The following CFAP299 variants were observed in gnomAD, a reference collection of about 807,000 sequenced individuals.
The protein encoded by CFAP299 is cilia and flagella associated protein 299, also known as cilia- and flagella-associated protein 299.
In CFAP299, 21 loss-of-function variants were observed where a neutral mutation model predicts 27.0. That is an observed-to-expected ratio of 0.78 (90% CI 0.55 to 1.12). CFAP299 has a LOEUF of 1.12. Among genes scored for constraint, CFAP299 ranks in the 50% most tolerant of loss-of-function variants. The pLI is 0.00. For synonymous variants in CFAP299, 104 were observed against 98.1 expected (o/e 1.06, Z -0.36); for missense variants, 310 against 276.6 (o/e 1.12, Z -0.86).
intron 3 of CFAP299, among the ~76,000 whole-genome samples, chr4:80,866,594 C>T (rs1423868300): frequency 6.6e-6 from 1 of 152,088 alleles, no homozygotes; most frequent in Non-Finnish European, 1.5e-5. Flanking sequence ...CTTAAGAGCA[C>T]AGAACTAATG....
chr4:80,785,727 A>G (rs1727211992), intron 3 of CFAP299, among the ~76,000 whole-genome samples: 1 of 152,188 alleles, frequency 6.6e-6, no homozygotes, highest in Non-Finnish European at 1.5e-5. Context: ...GTTCTCATCT[A>G]TGAGACATAA....
intron 2 of CFAP299, among the ~76,000 whole-genome samples, chr4:80,516,947 C>T (rs772648738): frequency 2.0e-5 from 3 of 152,126 alleles, no homozygotes; most frequent in East Asian, 1.9e-4. Flanking sequence ...CCTAGGGCAG[C>T]GATCTTTTTA....
At chr4:80,493,994 C>G (rs1731296166) in intron 2 of CFAP299, among the ~76,000 whole-genome samples, 1 of 151,756 alleles carries the variant, frequency 6.6e-6, no homozygotes, top group Admixed American at 6.6e-5. Flanking sequence ...CCAGGATGGT[C>G]TCGATCTCCT....
chr4:80,877,702 C>T (rs1258436529), intron 4 of CFAP299, among the ~76,000 whole-genome samples: 1 of 152,070 alleles, frequency 6.6e-6, no homozygotes, highest in African/African-American at 2.4e-5. Context: ...TTCAGTTTAA[C>T]CGTTTAAAGT....
intron 3 of CFAP299, among the ~76,000 whole-genome samples, chr4:80,627,185 G>T (rs972175777): frequency 6.6e-6 from 1 of 151,840 alleles, no homozygotes; most frequent in Non-Finnish European, 1.5e-5. Context: ...TGCAAGGATG[G>T]TCCTATATAT....
intron 2 of CFAP299, among the ~76,000 whole-genome samples, chr4:80,580,005 C>T (rs7665568): frequency 0.045 from 6,905 of 152,022 alleles, 551 homozygotes; most frequent in African/African-American, 0.16. Flanking sequence ...TTTGTGGAAA[C>T]TCTTAGGAAT....
chr4:80,562,562 C>A (rs6825917), intron 2 of CFAP299, among the ~76,000 whole-genome samples: 2 of 151,328 alleles, frequency 1.3e-5, no homozygotes, highest in Admixed American at 6.6e-5. Context: ...GGAGGCTGAG[C>A]CATGAGAATC....
intron 3 of CFAP299, among the ~76,000 whole-genome samples, chr4:80,844,088 G>A (rs1297243537): frequency 3.9e-5 from 6 of 151,942 alleles, no homozygotes; most frequent in Non-Finnish European, 7.4e-5. Context: ...TGAAGTCATC[G>A]TTTTTTATGG....
chr4:80,470,221 T>C (rs1035767183), intron 2 of CFAP299, among the ~76,000 whole-genome samples: 4 of 152,150 alleles, frequency 2.6e-5, no homozygotes, highest in Non-Finnish European at 5.9e-5. Flanking sequence ...TCACAATGGA[T>C]TGTGAAAATG....
chr4:80,706,844 A>G (rs1721849525), intron 3 of CFAP299, among the ~76,000 whole-genome samples: 1 of 152,040 alleles, frequency 6.6e-6, no homozygotes, highest in Admixed American at 6.6e-5. Flanking sequence ...GCTTTAGTAT[A>G]CATAAGAATT....
chr4:80,390,732 T>C (rs147412557), intron 2 of CFAP299, among the ~76,000 whole-genome samples: 7 of 145,594 alleles, frequency 4.8e-5, no homozygotes, highest in African/African-American at 1.5e-4. Flanking sequence ...TACATGTATA[T>C]ATGTATATAT....
intron 3 of CFAP299, among the ~76,000 whole-genome samples, chr4:80,588,912 G>A (rs1736582121): frequency 6.6e-6 from 1 of 152,080 alleles, no homozygotes; most frequent in Non-Finnish European, 1.5e-5. Flanking sequence ...AGAATTTTGA[G>A]GCACGAAGAG....
chr4:80,357,079 A>C (rs748030046), intron 1 of CFAP299, among the ~76,000 whole-genome samples: 2 of 152,168 alleles, frequency 1.3e-5, no homozygotes, highest in Non-Finnish European at 1.5e-5. Context: ...TCTTTTCTGC[A>C]TACTATTGAA....
At chr4:80,800,683 A>G (rs1306478727) in intron 3 of CFAP299, among the ~76,000 whole-genome samples, 1 of 116,816 alleles carries the variant, frequency 8.6e-6, no homozygotes, top group Non-Finnish European at 1.6e-5. Flanking sequence ...AATATATGAT[A>G]TATTATATAT....
At position 80,807,096 on chromosome 4, in the gene CFAP299, A is replaced by G. The variant is rs551712707; in HGVS notation, c.334-62897A>G. On this transcript the variant is annotated intron_variant, in intron 3 of 5. Coordinates refer to ENST00000358105, the MANE Select transcript of CFAP299 (RefSeq NM_152770.3). ...GCACTGCTTTTCTTGAAATCAAATT[A>G]TCTACCTGAATGAACAGAAATCTGC... Among the ~76,000 whole-genome samples, 14 of 152,254 alleles carry G rather than the reference A, an allele frequency of 9.2e-5. No homozygotes were observed. The South Asian group carries it at 2.9e-3, about 32-fold the overall frequency.
At chr4:80,729,919 A>T (rs1236624666) in intron 3 of CFAP299, among the ~76,000 whole-genome samples, 3 of 151,948 alleles carry the variant, frequency 2.0e-5, no homozygotes, top group Non-Finnish European at 4.4e-5. Context: ...CTATTTTTAA[A>T]TTTAAGTTTA....
chr4:80,803,423 A>G (rs1728710772), intron 3 of CFAP299, among the ~76,000 whole-genome samples: 1 of 152,052 alleles, frequency 6.6e-6, no homozygotes, highest in Non-Finnish European at 1.5e-5. Context: ...ATATTAAGGT[A>G]TTTCAAAATC....
chr4:80,658,050 A>G lies in CFAP299; in HGVS notation c.333+74867A>G, dbSNP rs184579918. ...CTCTGATTGTCTATTATTGGTGTGT[A>G]GCAATGCTTGTGATTTTTGCACATT... On this transcript the variant is annotated intron_variant, in intron 3 of 5. Transcript: ENST00000358105. 8.9e-4 allele frequency among the ~76,000 whole-genome samples: 136 copies of G among 152,282 alleles called. 1 individual carries two copies. The East Asian group carries it at 0.018, about 20-fold the overall frequency.
upstream of CFAP299, chr4:80,335,659 T>G (rs1722094334): frequency 4.1e-6 from 3 of 729,998 alleles, no homozygotes; most frequent in Admixed American, 2.0e-5. Context: ...GGGATTAACG[T>G]CCAAAGCTCA....
Sources: allele counts gnomAD v4.1 joint callset (sites outside exome capture counted in the v4.1 genomes callset), GRCh38; gene constraint gnomAD v4.1.1; transcripts MANE v1.5; gene names NCBI Gene and HGNC (gene_info 2026-07-23, HGNC 2026-07-21).